Variants in FTCDNL1 observed in about 807,000 individuals in gnomAD.
FTCDNL1 encodes the protein formiminotransferase N-terminal subdomain-containing protein.
In FTCDNL1, 11 loss-of-function variants were observed where a neutral mutation model predicts 5.9. The observed-to-expected ratio is 1.87, with a 90% CI of 1.18 to 3.10. The LOEUF (loss-of-function observed/expected upper bound fraction) is 3.10, where lower values mean the gene tolerates loss of function less well. FTCDNL1 is among the 30% of genes most tolerant of loss of function. FTCDNL1 has a pLI of 0.00. For missense variants in FTCDNL1, 115 were observed against 65.5 expected (o/e 1.76, Z -2.61); for synonymous variants, 58 against 24.8 (o/e 2.34, Z -3.99).
At chr2:199,730,339 A>G in the FTCDNL1 span, among the ~76,000 whole-genome samples, 1 of 152,242 alleles carries the variant, frequency 6.6e-6, no homozygotes, top group South Asian at 2.1e-4. Context: ...AAATTGACCA[A>G]TGAGATCTAA....
the FTCDNL1 span, among the ~76,000 whole-genome samples, chr2:199,698,499 C>T: frequency 6.6e-6 from 1 of 152,070 alleles, no homozygotes. Context: ...ATTACATGGA[C>T]ATTAAACAAC....
chr2:199,790,518 C>T (rs192812385), intron 3 of FTCDNL1, among the ~76,000 whole-genome samples: 1 of 149,448 alleles, frequency 6.7e-6, no homozygotes, highest in East Asian at 2.0e-4. Flanking sequence ...AAAAAAGTGT[C>T]AGAGTTGATA....
At chr2:199,775,834 C>T (rs778195838) in intron 3 of FTCDNL1, among the ~76,000 whole-genome samples, 3 of 152,138 alleles carry the variant, frequency 2.0e-5, no homozygotes, top group Non-Finnish European at 4.4e-5. Context: ...CCCTCACAAC[C>T]ACTCAATGAA....
downstream of FTCDNL1, among the ~76,000 whole-genome samples, chr2:199,806,473 C>A (rs1311055665): frequency 6.6e-6 from 1 of 152,184 alleles, no homozygotes; most frequent in African/African-American, 2.4e-5. Flanking sequence ...TTATACGAAA[C>A]AAAACTGTAT....
intron 3 of FTCDNL1, among the ~76,000 whole-genome samples, chr2:199,839,257 C>T (rs1036592093): frequency 2.6e-5 from 4 of 151,870 alleles, no homozygotes; most frequent in Middle Eastern, 3.4e-3. Flanking sequence ...ATTAATGATA[C>T]GTTCATGAAA....
At chr2:199,808,806 T>C (rs762682245), downstream of FTCDNL1, among the ~76,000 whole-genome samples, 5 of 152,214 alleles carry the variant, frequency 3.3e-5, no homozygotes, top group Non-Finnish European at 5.9e-5. Flanking sequence ...CTTATAGACA[T>C]TTATTCCCCT....
the FTCDNL1 span, among the ~76,000 whole-genome samples, chr2:199,728,623 C>T: frequency 6.6e-6 from 1 of 152,084 alleles, no homozygotes; most frequent in East Asian, 1.9e-4. Context: ...ACCAGGGTTG[C>T]TCTTTAGACA....
At chr2:199,730,515 T>TTGC in the FTCDNL1 span, among the ~76,000 whole-genome samples, 2 of 151,756 alleles carry the variant, frequency 1.3e-5, no homozygotes, top group Non-Finnish European at 2.9e-5. Context: ...AACAACCCCA[T>TTGC]CAAAAAGTGG....
intron 4 of FTCDNL1, among the ~76,000 whole-genome samples, chr2:199,817,193 A>C (rs1158594554): frequency 1.3e-5 from 2 of 152,164 alleles, no homozygotes; most frequent in African/African-American, 2.4e-5. Context: ...TATACCTTTT[A>C]CTATTTCCTT....
At chr2:199,757,166 C>G (rs1189125947), downstream of FTCDNL1, among the ~76,000 whole-genome samples, 1 of 152,202 alleles carries the variant, frequency 6.6e-6, no homozygotes, top group African/African-American at 2.4e-5. Flanking sequence ...GAAGAACCTC[C>G]TCTTTGTTGA....
At chr2:199,850,000 A>G (rs947888778) in intron 1 of FTCDNL1, among the ~76,000 whole-genome samples, 1 of 152,214 alleles carries the variant, frequency 6.6e-6, no homozygotes, top group Non-Finnish European at 1.5e-5. Context: ...GTTAAACTTT[A>G]GAGTTTAAGC....
the FTCDNL1 span, among the ~76,000 whole-genome samples, chr2:199,703,274 G>T: frequency 6.6e-6 from 1 of 151,796 alleles, no homozygotes; most frequent in Admixed American, 6.6e-5. Flanking sequence ...AGAGTAATAG[G>T]AAGGTATTAG....
At position 199,820,904 on chromosome 2, in the gene FTCDNL1, G is replaced by T. The variant is rs1701641828; in HGVS notation, c.212-1147C>A. 2.6e-5 allele frequency among the ~76,000 whole-genome samples: 4 copies of T among 152,206 alleles called. No individual in the cohort carries two copies. The South Asian group carries it at 8.3e-4, about 32-fold the overall frequency. On this transcript the variant is annotated intron_variant, in intron 3 of 4. Transcript: ENST00000420128. ...GGAATTCTGGGGCTGGCCTGGGATAGCAGGAGTGCAGGCCTTCTTTATTTG... is the reference window on the plus strand; with the variant it reads ...GGAATTCTGGGGCTGGCCTGGGATATCAGGAGTGCAGGCCTTCTTTATTTG...
chr2:199,744,445 C>CACAG, the FTCDNL1 span, among the ~76,000 whole-genome samples: 2 of 151,250 alleles, frequency 1.3e-5, no homozygotes, highest in Non-Finnish European at 3.0e-5. Flanking sequence ...CACACACACA[C>CACAG]AGAGAGAGAG....
intron 3 of FTCDNL1, among the ~76,000 whole-genome samples, chr2:199,769,536 T>G (rs1390808568): frequency 1.3e-5 from 2 of 152,220 alleles, no homozygotes; most frequent in African/African-American, 4.8e-5. Context: ...GATAAATTAC[T>G]CAGTCTCAAG....
the FTCDNL1 span, among the ~76,000 whole-genome samples, chr2:199,729,313 A>G: frequency 1.3e-5 from 2 of 152,184 alleles, no homozygotes; most frequent in Non-Finnish European, 2.9e-5. Flanking sequence ...GCCCTCTCTC[A>G]CCACTCCTAT....
the FTCDNL1 span, among the ~76,000 whole-genome samples, chr2:199,694,857 A>G: frequency 2.0e-5 from 3 of 152,178 alleles, no homozygotes; most frequent in Non-Finnish European, 4.4e-5. Flanking sequence ...TAATTAAAAA[A>G]TATTCATTGA....
intron 3 of FTCDNL1, among the ~76,000 whole-genome samples, chr2:199,822,145 G>A (rs925978616): frequency 1.3e-5 from 2 of 152,190 alleles, no homozygotes; most frequent in South Asian, 2.1e-4. Context: ...CCTCACGCCT[G>A]TAATCCTAAC....
At chr2:199,765,552 ATATATTTTTTTTTT>A in intron 3 of FTCDNL1, among the ~76,000 whole-genome samples, 1 of 57,708 alleles carries the variant, frequency 1.7e-5, no homozygotes, top group Admixed American at 2.4e-4. Context: ...ATATATATAT[ATATATTTTTTTTTT>A]TTTTTTTGGA....
Sources: allele counts gnomAD v4.1 joint callset (sites outside exome capture counted in the v4.1 genomes callset), GRCh38; gene constraint gnomAD v4.1.1; transcripts MANE v1.5; gene names NCBI Gene and HGNC (gene_info 2026-07-23, HGNC 2026-07-21).